The following PLEKHG7 variants were observed in gnomAD, a reference collection of about 807,000 sequenced individuals.
PLEKHG7 encodes the protein pleckstrin homology and RhoGEF domain containing G7.
Under a neutral mutation model 85.2 loss-of-function variants are expected in PLEKHG7, and 77 were observed. The observed-to-expected ratio is 0.90, with a 90% CI of 0.75 to 1.09. The LOEUF (loss-of-function observed/expected upper bound fraction) is 1.09. Ranked by LOEUF, PLEKHG7 falls within the 50% of genes least tolerant of loss-of-function variation. The pLI is 0.00. For missense variants in PLEKHG7, 777 were observed against 804.3 expected (o/e 0.97, Z 0.41); for synonymous variants, 301 against 302.4 (o/e 1.00, Z 0.05).
chr12:92,742,488 A>C (rs1202126795), intron 9 of PLEKHG7, among the ~76,000 whole-genome samples: 1 of 152,174 alleles, frequency 6.6e-6, no homozygotes, highest in Admixed American at 6.5e-5. Flanking sequence ...TACATGAAGA[A>C]GGAAGAGTTT....
At position 92,706,689 on chromosome 12, in the gene PLEKHG7, C is replaced by T; in HGVS notation, c.58C>T (p.Pro20Ser). ...GCCACCCCAAGACTGTGGAGCCTCTCCTCGGCCCTCGCTGAGGAGCCTGCC... is the reference window on the plus strand; with the variant it reads ...GCCACCCCAAGACTGTGGAGCCTCTTCTCGGCCCTCGCTGAGGAGCCTGCC... ...EVPPQDCGAS[P>S]RPSLRSLPKN... The change falls in exon 2 of 17, where the codon CCT becomes TCT. Residue 20 changes from proline (P) to serine (S), a missense_variant. Physicochemically the swap from Pro to Ser is moderately conservative, Grantham distance 74. Transcript: ENST00000344636. 6.2e-7 allele frequency: 1 copy of T among 1,614,142 alleles called. No individual in the cohort carries two copies. Among genetic ancestry groups the T allele is most frequent in the Non-Finnish European group, 8.5e-7 (1 of 1,180,024 alleles).
At chr12:92,748,321 G>A (rs1015237861) in intron 10 of PLEKHG7, among the ~76,000 whole-genome samples, 4 of 149,910 alleles carry the variant, frequency 2.7e-5, no homozygotes, top group Admixed American at 1.3e-4. Context: ...ATCTCAGCTC[G>A]CTGCAACCTC....
intron 15 of PLEKHG7, 120 bp downstream of exon 15, chr12:92,764,314 C>T: frequency 9.7e-7 from 1 of 1,026,348 alleles, no homozygotes; most frequent in East Asian, 2.6e-5. Flanking sequence ...GACTGTGTTC[C>T]TATGTGTCTA....
At chr12:92,744,875 A>G (rs1872482208) in intron 9 of PLEKHG7, among the ~76,000 whole-genome samples, 1 of 152,046 alleles carries the variant, frequency 6.6e-6, no homozygotes, top group African/African-American at 2.4e-5. Flanking sequence ...AATGTGTTGC[A>G]CAGGCTAGTC....
At position 92,706,462 on chromosome 12, in the gene PLEKHG7, T is replaced by G; in HGVS notation, c.-161-9T>G. The G allele has an allele frequency of 1.3e-6, 1 of 741,486 alleles. No individual in the cohort carries two copies. Among genetic ancestry groups the G allele is most frequent in the Non-Finnish European group, 2.1e-6 (1 of 483,156 alleles). 45.9% of individuals were successfully genotyped at this position (741,486 alleles called of 1,614,324 possible). ...TACATATTTCACAGTCTGCTCTTCC[T>G]CACTACAGATGCAATAACCTGCTTG... is the stretch of plus-strand genomic sequence containing the variant. On this transcript the variant is annotated splice_polypyrimidine_tract_variant and intron_variant, in intron 1 of 16. Transcript: ENST00000344636.
At chr12:92,732,446 G>A (rs926213262) in intron 5 of PLEKHG7, among the ~76,000 whole-genome samples, 173 bp downstream of exon 5, 5 of 152,182 alleles carry the variant, frequency 3.3e-5, no homozygotes, top group African/African-American at 9.7e-5. Context: ...CATGCCAAGT[G>A]GTGCCAATTT....
chr12:92,734,941 C>T (rs1265984962), intron 5 of PLEKHG7, among the ~76,000 whole-genome samples: 1 of 152,170 alleles, frequency 6.6e-6, no homozygotes, highest in African/African-American at 2.4e-5. Context: ...CCACTGCCAC[C>T]ACAATGGAGG....
chr12:92,710,996 A>C (rs1352140457), intron 3 of PLEKHG7, among the ~76,000 whole-genome samples: 1 of 152,120 alleles, frequency 6.6e-6, no homozygotes, highest in Non-Finnish European at 1.5e-5. Flanking sequence ...CCCCTTCCCC[A>C]AATTTCTTTG....
chr12:92,727,852 A>G (rs1266856697), intron 3 of PLEKHG7, among the ~76,000 whole-genome samples: 5 of 150,832 alleles, frequency 3.3e-5, no homozygotes, highest in African/African-American at 9.8e-5. Flanking sequence ...TGGCCTCCCA[A>G]AGTGCTGGAA....
intron 3 of PLEKHG7, among the ~76,000 whole-genome samples, chr12:92,719,060 C>T (rs184134429): frequency 1.3e-5 from 2 of 152,286 alleles, no homozygotes; most frequent in Non-Finnish European, 2.9e-5. Flanking sequence ...ATCTGCTTCT[C>T]ATTTGCGTTT....
intron 3 of PLEKHG7, among the ~76,000 whole-genome samples, chr12:92,711,511 T>A (rs1592672392): frequency 6.6e-6 from 1 of 152,164 alleles, no homozygotes; most frequent in Non-Finnish European, 1.5e-5. Flanking sequence ...GCTAGATGGG[T>A]CAGAAAGCAC....
intron 10 of PLEKHG7, chr12:92,749,739 T>C (rs1440780055): frequency 6.6e-6 from 1 of 152,100 alleles, no homozygotes; most frequent in Non-Finnish European, 1.5e-5. Context: ...TAGTTACTCT[T>C]GTTATCAACA....
At chr12:92,727,257 A>C (rs1253605381) in intron 3 of PLEKHG7, among the ~76,000 whole-genome samples, 1 of 152,186 alleles carries the variant, frequency 6.6e-6, no homozygotes, top group Non-Finnish European at 1.5e-5. Context: ...CTCTCCTTGC[A>C]TCTTTTTAAA....
intron 4 of PLEKHG7, among the ~76,000 whole-genome samples, chr12:92,730,626 G>A (rs1409414984): frequency 1.3e-5 from 2 of 152,194 alleles, no homozygotes; most frequent in Admixed American, 6.5e-5. Flanking sequence ...CAACATATTG[G>A]TCAGGGTGGT....
chr12:92,715,559 CAT>C lies in PLEKHG7; in HGVS notation c.530+7888_530+7889del, dbSNP rs1448712485. 4.6e-5 allele frequency among the ~76,000 whole-genome samples: 7 copies of C among 152,194 alleles called. No homozygotes were observed. The South Asian group carries it at 8.3e-4, about 18-fold the overall frequency. On this transcript the variant is annotated intron_variant, in intron 3 of 16. Coordinates refer to ENST00000344636, the MANE Select transcript of PLEKHG7 (RefSeq NM_001377329.1). ...CTTCACTCCCTCTTCTCTTCTTCCACATGTCTCTGCAGTCTTTTCTGCAGCAG... is the reference window on the plus strand; with the variant it reads ...CTTCACTCCCTCTTCTCTTCTTCCACGTCTCTGCAGTCTTTTCTGCAGCAG...
intron 1 of PLEKHG7, among the ~76,000 whole-genome samples, chr12:92,703,393 T>C (rs1256962965): frequency 6.6e-6 from 1 of 152,232 alleles, no homozygotes; most frequent in African/African-American, 2.4e-5. Context: ...AATTTCCTCT[T>C]TTAAACATAA....
intron 3 of PLEKHG7, among the ~76,000 whole-genome samples, chr12:92,720,846 T>C (rs146001271): frequency 2.0e-5 from 3 of 152,350 alleles, no homozygotes; most frequent in Non-Finnish European, 4.4e-5. Context: ...CCTAAAGTAG[T>C]AGCCATCATC....
At chr12:92,720,229 G>A (rs1321808471) in intron 3 of PLEKHG7, among the ~76,000 whole-genome samples, 1 of 152,138 alleles carries the variant, frequency 6.6e-6, no homozygotes, top group Non-Finnish European at 1.5e-5. Flanking sequence ...TTTTCATCCA[G>A]GCGTTCATTG....
At chr12:92,745,399 G>C in intron 9 of PLEKHG7, 79 bp from the exon 10 acceptor site, 1 of 950,172 alleles carries the variant, frequency 1.1e-6, no homozygotes, top group Non-Finnish European at 1.7e-6. Flanking sequence ...AATGATAAAA[G>C]TGAGGAGAAA....
Sources: allele counts gnomAD v4.1 joint callset (sites outside exome capture counted in the v4.1 genomes callset), GRCh38; gene constraint gnomAD v4.1.1; transcripts MANE v1.5; gene names NCBI Gene and HGNC (gene_info 2026-07-23, HGNC 2026-07-21).